The following XKR9 variants were observed in gnomAD, a reference collection of about 807,000 sequenced individuals.
The protein encoded by XKR9 is XK related 9.
A neutral mutation model predicts 32.0 loss-of-function variants in XKR9; 32 were observed. The ratio of observed to expected loss-of-function variants is 1.00; its 90% CI spans 0.76 to 1.34. The LOEUF (loss-of-function observed/expected upper bound fraction) is 1.34, where lower values mean the gene tolerates loss of function less well. Ranked by LOEUF, XKR9 falls within the 40% of genes most tolerant of loss-of-function variation. XKR9 has a pLI of 0.00. For missense variants in XKR9, 546 were observed against 429.7 expected (o/e 1.27, Z -2.39); for synonymous variants, 168 against 143.4 (o/e 1.17, Z -1.22).
At chr8:70,832,272 G>A in the XKR9 span, among the ~76,000 whole-genome samples, 6 of 152,240 alleles carry the variant, frequency 3.9e-5, no homozygotes, top group East Asian at 7.7e-4. Flanking sequence ...AAATTTCAAC[G>A]AACAAAGGAG....
intron 2 of XKR9, among the ~76,000 whole-genome samples, chr8:70,754,060 G>C (rs184471302): frequency 2.6e-4 from 38 of 145,382 alleles, no homozygotes; most frequent in African/African-American, 6.4e-4. Context: ...AAGCAACTTC[G>C]GCAAAGTCTC....
At chr8:70,976,005 T>A in the XKR9 span, among the ~76,000 whole-genome samples, 9 of 152,352 alleles carry the variant, frequency 5.9e-5, no homozygotes, top group South Asian at 1.9e-3. Context: ...TTTGTAGCGA[T>A]TGTGAATGGG....
At chr8:71,042,984 G>A in the XKR9 span, among the ~76,000 whole-genome samples, 1 of 152,200 alleles carries the variant, frequency 6.6e-6, no homozygotes, top group South Asian at 2.1e-4. Context: ...GAGCAACTCT[G>A]ATAAGCTGTG....
rs1337775760 is a variant in XKR9, at chr8:70,745,202, T to C, written n.352+38049T>C. Among the ~76,000 whole-genome samples the C allele has an allele frequency of 4.6e-5, 6 of 131,176 alleles. 1 individual carries two copies. The highest frequency in any genetic ancestry group is 8.8e-5 in the Non-Finnish European group (5 of 56,540). 86.1% of individuals were successfully genotyped at this position (131,176 alleles called of 152,430 possible). On this transcript the variant is annotated intron_variant and non_coding_transcript_variant, in intron 2 of 3. Coordinates refer to the XKR9 transcript ENST00000520273. ...ATCCTGGTCAGATGTTTTGGCTAAA[T>C]AGTAAGCTTTTAAAATGAACTTTTA...
At chr8:70,967,081 G>A in the XKR9 span, among the ~76,000 whole-genome samples, 4 of 27,680 alleles carry the variant, frequency 1.4e-4, no homozygotes, top group Non-Finnish European at 3.9e-4. Flanking sequence ...TTTTTTTTTT[G>A]AGATGGAGTC....
the XKR9 span, among the ~76,000 whole-genome samples, chr8:70,820,343 T>C: frequency 3.3e-5 from 5 of 152,172 alleles, no homozygotes; most frequent in African/African-American, 1.2e-4. Context: ...AGGTAATTTA[T>C]AAAGAAAAGG....
chr8:71,042,614 A>G, the XKR9 span, among the ~76,000 whole-genome samples: 583 of 152,186 alleles, frequency 3.8e-3, 18 homozygotes, highest in Admixed American at 0.029. Context: ...GTATCTTAAA[A>G]TAAACATCCA....
the XKR9 span, among the ~76,000 whole-genome samples, chr8:70,812,012 C>G: frequency 6.6e-6 from 1 of 152,046 alleles, no homozygotes; most frequent in Non-Finnish European, 1.5e-5. Context: ...AGACCAATAT[C>G]CTTGATGAAC....
chr8:70,873,409 A>G, the XKR9 span, among the ~76,000 whole-genome samples: 1 of 152,192 alleles, frequency 6.6e-6, no homozygotes, highest in Non-Finnish European at 1.5e-5. Context: ...AAAAAGAGTC[A>G]CCCTTCTAGA....
chr8:71,043,563 T>C, the XKR9 span, among the ~76,000 whole-genome samples: 1 of 152,206 alleles, frequency 6.6e-6, no homozygotes, highest in Non-Finnish European at 1.5e-5. Flanking sequence ...TTTTTTATTT[T>C]CTAGAAACCA....
the XKR9 span, among the ~76,000 whole-genome samples, chr8:70,805,364 T>C: frequency 6.6e-6 from 1 of 152,194 alleles, no homozygotes; most frequent in Non-Finnish European, 1.5e-5. Flanking sequence ...GTCTAGCAGC[T>C]GGAATCTGCT....
the XKR9 span, among the ~76,000 whole-genome samples, chr8:71,032,297 A>T: frequency 8.7e-3 from 1,307 of 150,258 alleles, 33 homozygotes; most frequent in African/African-American, 0.03. Flanking sequence ...AAAAAAAAAA[A>T]AAAAAAAAAA....
At chr8:71,059,149 T>C in the XKR9 span, among the ~76,000 whole-genome samples, 6 of 152,382 alleles carry the variant, frequency 3.9e-5, no homozygotes, top group South Asian at 6.2e-4. Flanking sequence ...TTAATACTTT[T>C]CTGTGCCTTA....
the XKR9 span, among the ~76,000 whole-genome samples, chr8:70,940,075 G>A: frequency 6.6e-6 from 1 of 151,980 alleles, no homozygotes; most frequent in Non-Finnish European, 1.5e-5. Context: ...CTCTAGGTGG[G>A]TAAGTACGTG....
chr8:70,893,128 C>T, the XKR9 span, among the ~76,000 whole-genome samples: 14 of 151,912 alleles, frequency 9.2e-5, no homozygotes, highest in African/African-American at 1.9e-4. Context: ...AACTCTCTAT[C>T]GTATTTTTTC....
the XKR9 span, among the ~76,000 whole-genome samples, chr8:70,916,465 A>AT: frequency 1.1e-4 from 16 of 152,128 alleles, no homozygotes; most frequent in Non-Finnish European, 1.9e-4. Context: ...CCACTGATCT[A>AT]TTTTTTAACT....
At chr8:71,010,474 T>C in the XKR9 span, among the ~76,000 whole-genome samples, 1 of 152,202 alleles carries the variant, frequency 6.6e-6, no homozygotes, top group African/African-American at 2.4e-5. Context: ...TAGGATGTTG[T>C]GGGCCCTGAC....
At chr8:70,688,779 A>G (rs1156234271) in intron 3 of XKR9, among the ~76,000 whole-genome samples, 1 of 152,104 alleles carries the variant, frequency 6.6e-6, no homozygotes, top group Non-Finnish European at 1.5e-5. Context: ...TGCAGCATGA[A>G]AACAGTAAAA....
chr8:70,733,849 C>G lies in XKR9; in HGVS notation c.547C>G (p.Gln183Glu). Residue 183 changes from glutamine to glutamate, a missense_variant, in exon 5 of 5, where the codon CAA becomes GAA. Physicochemically the swap from Gln to Glu is conservative, Grantham distance 29. Transcript: ENST00000408926. The stretch of plus-strand genomic sequence containing the variant: ...TATTTCTTGGTCAACTGTTGATTAT[C>G]AAGTAGCTTTAAGAAAATCCTTGCC... ...CAISWSTVDY[Q>E]VALRKSLPDK... is the part of the protein sequence containing the mutation. The G allele has an allele frequency of 1.9e-6, 3 of 1,605,132 alleles. No individual in the cohort carries two copies. The highest frequency in any genetic ancestry group is 1.7e-5 in the Admixed American group (1 of 58,220).
Sources: gnomAD v4.1 joint callset for allele counts (sites outside exome capture counted in the v4.1 genomes callset) on GRCh38, gnomAD v4.1.1 for gene constraint, MANE v1.5 for transcripts, NCBI Gene and HGNC (gene_info 2026-07-23, HGNC 2026-07-21) for gene names.